The following SBF2 variants were observed in gnomAD, a reference collection of about 807,000 sequenced individuals.
The protein encoded by SBF2 is SET binding factor 2.
A neutral mutation model predicts 225.2 loss-of-function variants in SBF2; 112 were observed. The ratio of observed to expected loss-of-function variants is 0.50; its 90% CI spans 0.43 to 0.58. The LOEUF (loss-of-function observed/expected upper bound fraction) is 0.58. Among genes scored for constraint, SBF2 ranks in the 20% least tolerant of loss-of-function variants. SBF2 has a pLI of 0.00. For synonymous variants in SBF2, 763 were observed against 773.3 expected, an observed-to-expected ratio of 0.99 and a Z score of 0.22; for missense variants, 1,996 against 2,206.2, an observed-to-expected ratio of 0.90 and a Z score of 1.91.
intron 1 of SBF2, among the ~76,000 whole-genome samples, chr11:10,217,030 T>C (rs966283966): frequency 1.3e-5 from 2 of 152,212 alleles, no homozygotes; most frequent in African/African-American, 4.8e-5. Flanking sequence ...TATACCACTT[T>C]CCTTGCCTTT....
chr11:9,828,235 A>C (rs1855180061), intron 28 of SBF2: 1 of 1,287,090 alleles, frequency 7.8e-7, no homozygotes, highest in Admixed American at 2.3e-5. Context: ...AAGTCAGCCA[A>C]AAAGAAGAAC....
intron 1 of SBF2, among the ~76,000 whole-genome samples, chr11:10,288,912 C>T (rs1187192475): frequency 6.6e-6 from 1 of 152,190 alleles, no homozygotes; most frequent in Non-Finnish European, 1.5e-5. Flanking sequence ...CAGCTGGGCC[C>T]CCAGTCTTCA....
chr11:10,047,882 G>T (rs938757908), intron 2 of SBF2, among the ~76,000 whole-genome samples: 7 of 152,022 alleles, frequency 4.6e-5, no homozygotes, highest in African/African-American at 1.7e-4. Context: ...ATTCTATGAA[G>T]TCTTCTTTGA....
intron 32 of SBF2, 176 bp downstream of exon 32, chr11:9,807,824 A>T (rs1341883555): frequency 3.0e-6 from 2 of 670,676 alleles, no homozygotes; most frequent in Admixed American, 4.9e-5. Context: ...AAACCAACTA[A>T]TTTTTTTTCT....
intron 2 of SBF2, 52 bp from the exon 3 acceptor site, chr11:10,043,033 T>G (rs1337147923): frequency 6.5e-7 from 1 of 1,546,842 alleles, no homozygotes; most frequent in African/African-American, 1.4e-5. Flanking sequence ...AAAAGTTAAT[T>G]ATTAATCTCT....
At chr11:9,877,642 C>A (rs12416904) in intron 17 of SBF2, among the ~76,000 whole-genome samples, 1 of 151,954 alleles carries the variant, frequency 6.6e-6, no homozygotes, top group East Asian at 1.9e-4. Context: ...TGAGAACATG[C>A]GGTGTTTGGT....
Position 9,947,807 on chromosome 11 carries a change from T to C in SBF2, c.1860+14150A>G, listed in dbSNP as rs80066833. ...AAAAAATCAAGCGTTGGTGAGGATATGGAGAAACTGAAACCCTTGTGCTGG... is the reference window on the plus strand; with the variant it reads ...AAAAAATCAAGCGTTGGTGAGGATACGGAGAAACTGAAACCCTTGTGCTGG... On this transcript the variant is annotated intron_variant, in intron 16 of 39. Coordinates refer to ENST00000256190, the MANE Select transcript of SBF2 (RefSeq NM_030962.4). 4.6e-5 allele frequency among the ~76,000 whole-genome samples: 7 copies of C among 152,062 alleles called. No homozygotes were observed. In the East Asian group the frequency reaches 1.2e-3, roughly 25 times the overall value.
At position 10,194,051 on chromosome 11, in the gene SBF2, C is replaced by T. The variant is rs4910097; in HGVS notation, c.56-64G>A. 416,392 of 1,004,812 alleles carry T rather than the reference C, an allele frequency of 0.41. 88,551 individuals carry two copies. Among genetic ancestry groups the T allele is most frequent in the Non-Finnish European group, 0.44 (275,798 of 631,762 alleles). 62.2% of individuals were successfully genotyped at this position (1,004,812 alleles called of 1,614,324 possible). A position where few individuals can be genotyped will look rare whatever the true frequency, so the allele number is the denominator to read the frequency against. ...CTAAAAACTACAAATACTCATTCTA[C>T]TCTTACTTATTTCTAAATGAATATT... On this transcript the variant is annotated intron_variant, in intron 1 of 39. Coordinates refer to ENST00000256190, the MANE Select transcript of SBF2 (RefSeq NM_030962.4).
intron 1 of SBF2, among the ~76,000 whole-genome samples, chr11:10,256,494 G>GT (rs530162335): frequency 1.3e-3 from 194 of 152,306 alleles, no homozygotes; most frequent in Admixed American, 5.2e-3. Context: ...CCTGGTCCAG[G>GT]TAATTGTGGC....
At chr11:10,267,691 A>G (rs186019687) in intron 1 of SBF2, among the ~76,000 whole-genome samples, 59 of 152,204 alleles carry the variant, frequency 3.9e-4, no homozygotes, top group Non-Finnish European at 6.6e-4. Context: ...CCTGGTCCAG[A>G]TGGCTATACA....
intron 17 of SBF2, among the ~76,000 whole-genome samples, chr11:9,872,607 C>T (rs925504852): frequency 1.3e-5 from 2 of 152,024 alleles, no homozygotes; most frequent in African/African-American, 2.4e-5. Context: ...TCACAATAAC[C>T]TACTACTTCA....
intron 38 of SBF2, among the ~76,000 whole-genome samples, chr11:9,783,453 T>C (rs187518876): frequency 2.0e-5 from 3 of 152,316 alleles, no homozygotes; most frequent in African/African-American, 7.2e-5. Flanking sequence ...TATAGATAAA[T>C]GCATTGAGAA....
intron 2 of SBF2, among the ~76,000 whole-genome samples, chr11:10,178,259 A>T (rs1419893768): frequency 6.6e-6 from 1 of 150,756 alleles, no homozygotes; most frequent in East Asian, 2.0e-4. Context: ...AACCTAGGCA[A>T]TACCATTCAG....
intron 19 of SBF2, among the ~76,000 whole-genome samples, chr11:9,855,700 A>T (rs1214422414): frequency 6.6e-6 from 1 of 152,248 alleles, no homozygotes; most frequent in Non-Finnish European, 1.5e-5. Context: ...GTTGTAAAAA[A>T]TGACATGAAA....
chr11:10,038,667 T>A (rs998780391), intron 3 of SBF2, among the ~76,000 whole-genome samples: 1 of 151,860 alleles, frequency 6.6e-6, no homozygotes, highest in African/African-American at 2.4e-5. Context: ...ACGTATCTTA[T>A]GTCTTCTATG....
intron 7 of SBF2, 130 bp downstream of exon 7, chr11:10,002,427 T>A: frequency 1.3e-6 from 1 of 740,874 alleles, no homozygotes; most frequent in Non-Finnish European, 2.3e-6. Flanking sequence ...GAACTATGAC[T>A]CATATAACAG....
chr11:9,812,569 A>G lies in SBF2; in HGVS notation c.4118T>C (p.Phe1373Ser). Reference sequence around the variant, plus strand: ...CTCAGAATCTCCCAGCGCTTTCAGGAAGGTCACTTCTGAGTCAGTAGGGAT... The same window carrying G: ...CTCAGAATCTCCCAGCGCTTTCAGGGAGGTCACTTCTGAGTCAGTAGGGAT... The part of the protein sequence containing the change: ...STIPTDSEVT[F>S]LKALGDSEWF... The change falls in exon 30 of 40, where the codon TTC (phenylalanine) becomes TCC (serine). Residue 1373 changes from phenylalanine to serine, a missense_variant. Transcript: ENST00000256190. 1 of 1,614,224 alleles carries G rather than the reference A, an allele frequency of 6.2e-7. No homozygotes were observed. The highest frequency in any genetic ancestry group is 8.5e-7 in the Non-Finnish European group (1 of 1,180,036).
intron 33 of SBF2, among the ~76,000 whole-genome samples, chr11:9,792,064 G>A (rs1031050710): frequency 6.6e-6 from 1 of 152,202 alleles, no homozygotes; most frequent in African/African-American, 2.4e-5. Flanking sequence ...AATCCAGTAT[G>A]TAATAATCAA....
At chr11:9,830,413 A>G (rs1034490881) in intron 27 of SBF2, among the ~76,000 whole-genome samples, 1 of 152,208 alleles carries the variant, frequency 6.6e-6, no homozygotes, top group Non-Finnish European at 1.5e-5. Context: ...CTTTCTGATC[A>G]CATCAATTGT....
Sources: gnomAD v4.1 joint callset for allele counts (sites outside exome capture counted in the v4.1 genomes callset) on GRCh38, gnomAD v4.1.1 for gene constraint, MANE v1.5 for transcripts, NCBI Gene and HGNC (gene_info 2026-07-23, HGNC 2026-07-21) for gene names.